Variants in FN1 observed in about 807,000 individuals in gnomAD.
The protein encoded by FN1 is fibronectin 1, also known as fibronectin.
FN1 carries 106 observed loss-of-function variants against 297.3 expected under a neutral mutation model. That is an observed-to-expected ratio of 0.36 (90% CI 0.30 to 0.42). The LOEUF (loss-of-function observed/expected upper bound fraction) is 0.42, where lower values mean the gene tolerates loss of function less well. FN1 is among the 10% of genes least tolerant of loss of function. The pLI is 1.00. For synonymous variants in FN1, 1,149 were observed against 1,152.6 expected (o/e 1.00, Z 0.06); for missense variants, 2,690 against 3,124.9 (o/e 0.86, Z 3.32).
Position 215,410,061 on chromosome 2 carries a change from G to A in FN1, c.1995C>T (p.Ser665=), listed in dbSNP as rs374036795. ...KEATIPGHLN[S]YTIKGLKPGV... ...CAGGCTTCAGGCCTTTGATGGTGTAGGAGTTTAAGTGGCCTGGTATGGTAG... is the reference window on the plus strand; with the variant it reads ...CAGGCTTCAGGCCTTTGATGGTGTAAGAGTTTAAGTGGCCTGGTATGGTAG... Residue 665 remains serine, a synonymous_variant, in exon 14 of 46, where the codon TCC becomes TCT. Coordinates refer to ENST00000354785, the MANE Select transcript of FN1 (RefSeq NM_212482.4). 1.2e-6 allele frequency: 2 copies of A among 1,613,930 alleles called. No individual in the cohort carries two copies. Among genetic ancestry groups the A allele is most frequent in the African/African-American group, 1.3e-5 (1 of 74,878 alleles).
chr2:215,366,860 C>G (rs763126530), intron 42 of FN1, among the ~76,000 whole-genome samples: 1 of 152,224 alleles, frequency 6.6e-6, no homozygotes, highest in Non-Finnish European at 1.5e-5. Flanking sequence ...TAAAAACCAT[C>G]TACTTGAAGT....
Position 215,388,228 on chromosome 2 carries a change from T to C in FN1, c.4326A>G (p.Arg1442=), listed in dbSNP as rs1463784505. 3 of 1,613,464 alleles carry C rather than the reference T, an allele frequency of 1.9e-6. No homozygotes were observed. The highest frequency in any genetic ancestry group is 1.3e-5 in the African/African-American group (1 of 74,926). Residue 1442 remains arginine, a synonymous_variant, in exon 27 of 46, where the codon AGA becomes AGG. Coordinates refer to ENST00000354785, the MANE Select transcript of FN1 (RefSeq NM_212482.4). ...ACCACTCACCTGTTTTCTGTCTTCC[T>C]CTAAGAGGTGTGCTCTCATGTTGTT... ...VYEQHESTPL[R]GRQKTGLDSP... is the part of the protein sequence containing the mutation.
At chr2:215,369,411 A>C (rs537317825) in intron 41 of FN1, among the ~76,000 whole-genome samples, 87 of 152,302 alleles carry the variant, frequency 5.7e-4, no homozygotes, top group Non-Finnish European at 8.8e-4. Flanking sequence ...AATTCACAGG[A>C]ATTTATACAT....
At chr2:215,419,204 A>G (rs752280907) in intron 12 of FN1, 38 bp downstream of exon 12, 8 of 1,601,420 alleles carry the variant, frequency 5.0e-6, no homozygotes, top group Middle Eastern at 1.7e-4. Context: ...TTATAACCCA[A>G]TTGGCAGTTC....
Position 215,370,392 on chromosome 2 carries a change from C to A in FN1, c.6755G>T (p.Gly2252Val). 2 of 1,613,792 alleles carry A rather than the reference C, an allele frequency of 1.2e-6. No individual in the cohort carries two copies. Among genetic ancestry groups the A allele is most frequent in the Non-Finnish European group, 1.7e-6 (2 of 1,179,856 alleles). Residue 2252 changes from glycine (G) to valine (V), a missense_variant, in exon 41 of 46, where the codon GGC (glycine) becomes GTC (valine). Physicochemically the swap from Gly to Val is moderately radical, Grantham distance 109. Transcript: ENST00000354785. ...GTTGTAGGTGGCACCTCTGGTGAGGCCTGTCAGAGTGGCACTGGTAGAAGT... is the reference window on the plus strand; with the variant it reads ...GTTGTAGGTGGCACCTCTGGTGAGGACTGTCAGAGTGGCACTGGTAGAAGT... Reference protein sequence around the residue: ...PGTSTSATLTGLTRGATYNVI... With the variant: ...PGTSTSATLTVLTRGATYNVI...
chr2:215,377,037 A>G (rs1395505504), intron 35 of FN1, among the ~76,000 whole-genome samples: 1 of 34,558 alleles, frequency 2.9e-5, no homozygotes, highest in South Asian at 1.5e-3. Context: ...CCAGCTAACA[A>G]TTTTGTGTGT....
intron 38 of FN1, among the ~76,000 whole-genome samples, chr2:215,374,373 G>A (rs2056866294): frequency 6.6e-6 from 1 of 152,210 alleles, no homozygotes; most frequent in Non-Finnish European, 1.5e-5. Context: ...CTCTGTGTCT[G>A]CATCCAAATC....
At chr2:215,366,064 C>T (rs1247197268) in intron 42 of FN1, among the ~76,000 whole-genome samples, 5 of 151,038 alleles carry the variant, frequency 3.3e-5, no homozygotes, top group Non-Finnish European at 5.9e-5. Flanking sequence ...GTGATCCACC[C>T]GCCTCAGCCT....
chr2:215,401,231 A>G (rs373175453), intron 20 of FN1, among the ~76,000 whole-genome samples: 845 of 57,786 alleles, frequency 0.015, 16 homozygotes, highest in African/African-American at 0.049. Flanking sequence ...AGAAAGAAAG[A>G]AAGAAAGAAA....
intron 42 of FN1, 141 bp downstream of exon 42, chr2:215,367,722 C>T (rs2054915823): frequency 1.2e-6 from 1 of 839,958 alleles, no homozygotes; most frequent in African/African-American, 1.7e-5. Context: ...CAAAATATTA[C>T]TTCGAGTCAA....
chr2:215,365,772 T>G (rs1447506444), intron 42 of FN1, 142 bp from the exon 43 acceptor site: 4 of 504,240 alleles, frequency 7.9e-6, no homozygotes, highest in Non-Finnish European at 1.0e-5. Flanking sequence ...ACCCCTATAA[T>G]GGGCCATTTA....
Position 215,397,139 on chromosome 2 carries a change from G to A in FN1, c.3602C>T (p.Pro1201Leu), listed in dbSNP as rs2060391683. The A allele has an allele frequency of 1.2e-6, 2 of 1,610,096 alleles. No individual in the cohort carries two copies. Among genetic ancestry groups the A allele is most frequent in the Admixed American group, 3.3e-5 (2 of 60,006 alleles). ...CCTCTGATCCATCCCAAACTTACCT[G>A]GGGTGGTGCTCCTCTCCCAGGAGAC... ...LTVSWERSTTPDITGYRITTT... is the reference protein window; with the variant it reads ...LTVSWERSTTLDITGYRITTT... Residue 1201 changes from proline to leucine, a missense_variant and splice_region_variant, in exon 23 of 46, where the codon CCA becomes CTA. Physicochemically the swap from Pro to Leu is moderately conservative, Grantham distance 98. Around this residue, in one of 3 missense-constraint regions of FN1, gnomAD observed 1,743 missense variants for 1,945.2 expected, o/e 0.90. Coordinates refer to ENST00000354785, the MANE Select transcript of FN1 (RefSeq NM_212482.4).
Position 215,434,913 on chromosome 2 carries a change from A to T in FN1, c.149-89T>A, listed in dbSNP as rs941386178. 2.5e-5 allele frequency: 35 copies of T among 1,413,152 alleles called. No individual in the cohort carries two copies. In the Middle Eastern group the frequency reaches 5.3e-4, roughly 21 times the overall value. The allele number at this position is 1,413,152 out of a possible 1,614,324, so 87.5% of individuals were successfully genotyped here. A position where few individuals can be genotyped will look rare whatever the true frequency, so the allele number is the denominator to read the frequency against. ...TCTTCATGTGAATATTGACGTACATATTTTTTTCCTTTTAACTTTGCTAAA... is the reference window on the plus strand; with the variant it reads ...TCTTCATGTGAATATTGACGTACATTTTTTTTTCCTTTTAACTTTGCTAAA... On this transcript the variant is annotated intron_variant, in intron 1 of 45. Coordinates refer to ENST00000354785, the MANE Select transcript of FN1 (RefSeq NM_212482.4).
chr2:215,404,051 A>G (rs550150939), intron 20 of FN1, among the ~76,000 whole-genome samples: 53 of 152,362 alleles, frequency 3.5e-4, no homozygotes, highest in Non-Finnish European at 6.3e-4. Flanking sequence ...CATGTTACTC[A>G]AAGTGCTGGC....
intron 14 of FN1, 59 bp downstream of exon 14, chr2:215,409,875 G>A (rs1397209175): frequency 6.2e-7 from 1 of 1,602,440 alleles, no homozygotes; most frequent in Non-Finnish European, 8.5e-7. Context: ...CATTGCCTCA[G>A]GAGAGCCTAG....
intron 32 of FN1, chr2:215,381,473 T>A (rs2058201293): frequency 1.9e-5 from 6 of 313,272 alleles, no homozygotes; most frequent in South Asian, 1.4e-4. Flanking sequence ...GTTATAATTG[T>A]TTTGTTTTGT....
At chr2:215,406,093 TGTTCAC>T in intron 19 of FN1, 139 bp downstream of exon 19, 1 of 815,136 alleles carries the variant, frequency 1.2e-6, no homozygotes, top group South Asian at 1.5e-5. Context: ...ATGTGCTTTG[TGTTCAC>T]TATGCATTCC....
intron 33 of FN1, chr2:215,380,554 A>G (rs573185866): frequency 9.4e-6 from 5 of 531,278 alleles, no homozygotes; most frequent in Admixed American, 3.2e-5. Context: ...CCACAACTTT[A>G]GTATCCTCTT....
chr2:215,427,699 T>C (rs1334723727), intron 6 of FN1, among the ~76,000 whole-genome samples: 1 of 152,172 alleles, frequency 6.6e-6, no homozygotes, highest in African/African-American at 2.4e-5. Flanking sequence ...CAAAAAGAGT[T>C]CAATGTCGGG....
Sources: allele counts gnomAD v4.1 joint callset (sites outside exome capture counted in the v4.1 genomes callset), GRCh38; gene constraint gnomAD v4.1.1; regional missense constraint gnomAD v4.1.1; transcripts MANE v1.5; gene names NCBI Gene and HGNC (gene_info 2026-07-23, HGNC 2026-07-21).